Variants in DPP9 observed in about 807,000 individuals in gnomAD.
DPP9 encodes the protein dipeptidyl peptidase IV-related protein-2.
In DPP9, 50 loss-of-function variants were observed where a neutral mutation model predicts 110.7. The observed-to-expected ratio is 0.45, with a 90% CI of 0.36 to 0.57. DPP9 has a LOEUF of 0.57. Among genes scored for constraint, DPP9 ranks in the 20% least tolerant of loss-of-function variants. The probability of loss-of-function intolerance (pLI) is 0.00; values close to 1 mark genes in which losing one functional copy is unlikely to be tolerated. For synonymous variants in DPP9, 561 were observed against 514.4 expected (o/e 1.09, Z -1.23); for missense variants, 1,022 against 1,217.9 (o/e 0.84, Z 2.39).
chr19:4,683,391 G>C, intron 19 of DPP9, 86 bp downstream of exon 19: 1 of 1,573,742 alleles, frequency 6.4e-7, no homozygotes, highest in Non-Finnish European at 8.6e-7. Context: ...TGGGCTCCGG[G>C]TGGCGCGGGC....
Position 4,694,902 on chromosome 19 carries a change from G to T in DPP9, c.1354-79C>A. On this transcript the variant is annotated intron_variant, in intron 12 of 21. Coordinates refer to ENST00000262960, the MANE Select transcript of DPP9 (RefSeq NM_139159.5). This position sits in a 1 kb window ranked among gnomAD's most constrained non-coding sequence, Gnocchi z 4.0. ...GTGGCTCACACCAGTAATCCCAGTA[G>T]TTTGGGAGGCTGGGGCAGGAGACTT... 1.4e-6 allele frequency: 2 copies of T among 1,457,912 alleles called. No homozygotes were observed. The highest frequency in any genetic ancestry group is 9.4e-7 in the Non-Finnish European group (1 of 1,060,206). The allele number at this position is 1,457,912 out of a possible 1,614,324, so 90.3% of individuals were successfully genotyped here.
intron 4 of DPP9, among the ~76,000 whole-genome samples, chr19:4,706,352 A>G (rs1425790091): frequency 6.6e-6 from 1 of 151,656 alleles, no homozygotes; most frequent in Non-Finnish European, 1.5e-5. Flanking sequence ...AAAGAATAAA[A>G]TAAAAGAAAA....
In DPP9 at chr19:4,704,417, C is replaced by T. The variant is rs1044788887; in HGVS notation, c.427-113G>A. On this transcript the variant is annotated intron_variant, in intron 5 of 21. Coordinates refer to ENST00000262960, the MANE Select transcript of DPP9 (RefSeq NM_139159.5). The surrounding 1 kb of genome is among the most constrained non-coding windows in gnomAD (Gnocchi z 6.0). ...TCCCAGGGAATCTGACTTCGGGCCT[C>T]GCCAGAGAGAACTTCCTGTACTGGG... 1.2e-5 allele frequency: 16 copies of T among 1,315,970 alleles called. No homozygotes were observed. Among genetic ancestry groups the T allele is most frequent in the African/African-American group, 2.9e-5 (2 of 68,376 alleles). 81.5% of individuals were successfully genotyped at this position (1,315,970 alleles called of 1,614,324 possible).
chr19:4,712,083 A>G (rs1283207917), intron 4 of DPP9, among the ~76,000 whole-genome samples: 2 of 152,166 alleles, frequency 1.3e-5, no homozygotes, highest in African/African-American at 4.8e-5. Flanking sequence ...AGCAACCCCA[A>G]CGGGAGCAAG....
Position 4,710,947 on chromosome 19 carries a change from CCA to C in DPP9, c.313+3132_313+3133del, listed in dbSNP as rs1555719434. 1.3e-5 allele frequency among the ~76,000 whole-genome samples: 2 copies of C among 152,158 alleles called. No homozygotes were observed. Among genetic ancestry groups the C allele is most frequent in the Non-Finnish European group, 2.9e-5 (2 of 68,030 alleles). On this transcript the variant is annotated intron_variant, in intron 4 of 21. Transcript: ENST00000262960. This position sits in a 1 kb window ranked among gnomAD's most constrained non-coding sequence, Gnocchi z 5.6. ...CTGTGAGGACCTGCCTGTCCCAGCC[CCA>C]GACACACACACGAGCCACAGGCGAC...
chr19:4,676,891 AC>A lies in DPP9; in HGVS notation c.2587-236del, dbSNP rs2088906345. Among the ~76,000 whole-genome samples the A allele has an allele frequency of 6.6e-6, 1 of 152,226 alleles. No individual in the cohort carries two copies. The highest frequency in any genetic ancestry group is 1.5e-5 in the Non-Finnish European group (1 of 68,036). ...GGGAGGATTTGGTAAGACAAAGTTT[AC>A]AAAACGCCTTGCGGTGTGCACGCGC... On this transcript the variant is annotated intron_variant, in intron 21 of 21. Coordinates refer to ENST00000262960, the MANE Select transcript of DPP9 (RefSeq NM_139159.5). This position sits in a 1 kb window ranked among gnomAD's most constrained non-coding sequence, Gnocchi z 4.0.
At chr19:4,683,163 C>T in intron 19 of DPP9, 1 of 1,439,676 alleles carries the variant, frequency 6.9e-7, no homozygotes, top group South Asian at 1.3e-5. Context: ...CTGGGGCCCC[C>T]CCGCCGCTCT....
In DPP9 at chr19:4,683,670, G is replaced by C; in HGVS notation, c.2179-41C>G. ...GGGCACCTCTCAGTGGCCTCCTCCC[G>C]GTATGTCCCTCCCCTGCAGTGACAC... On this transcript the variant is annotated intron_variant, in intron 18 of 21. Coordinates refer to ENST00000262960, the MANE Select transcript of DPP9 (RefSeq NM_139159.5). The C allele has an allele frequency of 1.9e-6, 3 of 1,612,976 alleles. No individual in the cohort carries two copies. In the South Asian group the frequency reaches 3.3e-5, roughly 18 times the overall value.
At chr19:4,708,034 G>A (rs1040413477) in intron 4 of DPP9, among the ~76,000 whole-genome samples, 4 of 152,122 alleles carry the variant, frequency 2.6e-5, no homozygotes, top group Non-Finnish European at 4.4e-5. Flanking sequence ...ACAGGCAGCC[G>A]CAGGGTCCTC....
In DPP9 at chr19:4,679,857, G is replaced by T; in HGVS notation, c.2564C>A (p.Ala855Glu). 6.2e-7 allele frequency: 1 copy of T among 1,612,852 alleles called. No homozygotes were observed. Among genetic ancestry groups the T allele is most frequent in the Non-Finnish European group, 8.5e-7 (1 of 1,179,504 alleles). ...CACCTGGAGCTGGTAAGGTTTCCCT[G>T]CTCGGATCAGTTGGGAGACGAGGAA... is the stretch of plus-strand genomic sequence containing the variant. The part of the protein sequence containing the change: ...TNFLVSQLIR[A>E]GKPYQLQIYP... The change falls in exon 21 of 22, where the codon GCA (alanine) becomes GAA (glutamate). Residue 855 changes from alanine (A) to glutamate (E), a missense_variant. Ala to Glu is a moderately radical substitution (Grantham distance 107, BLOSUM62 -1). This residue lies in a region of DPP9 where 209 missense variants were observed against 280.4 expected (regional missense o/e 0.75). Coordinates refer to ENST00000262960, the MANE Select transcript of DPP9 (RefSeq NM_139159.5).
At chr19:4,717,783 C>T (rs1162100347) in intron 3 of DPP9, 1 of 152,270 alleles carries the variant, frequency 6.6e-6, no homozygotes, top group Non-Finnish European at 1.5e-5. Flanking sequence ...CTCCGCTGAC[C>T]TCTCTTCTAC....
At chr19:4,703,470 C>CA (rs11451501) in intron 7 of DPP9, among the ~76,000 whole-genome samples, 41,847 of 128,318 alleles carry the variant, frequency 0.33, 7,091 homozygotes, top group African/African-American at 0.48. Flanking sequence ...ACTAAAAATA[C>CA]AAAAAAAAAA....
chr19:4,718,026 C>T lies in DPP9; in HGVS notation c.56+1825G>A, dbSNP rs1344488967. ...CTGTGACACCACCAGCAAACAGCTC[C>T]AGACCTCCTAGCATGGTCTCTGTCA... On this transcript the variant is annotated intron_variant, in intron 3 of 21. Transcript: ENST00000262960. This position sits in a 1 kb window ranked among gnomAD's most constrained non-coding sequence, Gnocchi z 4.3. The T allele has an allele frequency of 6.6e-6, 1 of 152,296 alleles. No individual in the cohort carries two copies. The highest frequency in any genetic ancestry group is 2.4e-5 in the African/African-American group (1 of 41,462). 9.4% of individuals were successfully genotyped at this position (152,296 alleles called of 1,614,324 possible).
intron 19 of DPP9, 120 bp downstream of exon 19, chr19:4,683,357 C>G (rs757164694): frequency 6.6e-7 from 1 of 1,508,578 alleles, no homozygotes; most frequent in Non-Finnish European, 8.8e-7. Context: ...GGCAAGGCCC[C>G]TGCCGAGGCG....
In DPP9 at chr19:4,719,770, C is replaced by T. The variant is rs145099302; in HGVS notation, c.56+81G>A. The T allele has an allele frequency of 5.4e-6, 8 of 1,482,072 alleles. No individual in the cohort carries two copies. In the South Asian group the frequency reaches 6.0e-5, roughly 11 times the overall value. 91.8% of individuals were successfully genotyped at this position (1,482,072 alleles called of 1,614,324 possible). On this transcript the variant is annotated intron_variant, in intron 3 of 21. Transcript: ENST00000262960. ...AGCCAGGGGAGAGGGAAAGAAGGGG[C>T]CTTCCAGATCTTAGACTGTTGGGGA...
intron 11 of DPP9, among the ~76,000 whole-genome samples, chr19:4,696,647 G>C (rs1434291276): frequency 2.6e-5 from 4 of 151,720 alleles, no homozygotes; most frequent in African/African-American, 7.3e-5. Flanking sequence ...TACTCGGGAG[G>C]CTGAGGCAGG....
At chr19:4,683,354 C>A in intron 19 of DPP9, 123 bp downstream of exon 19, 2 of 1,502,874 alleles carry the variant, frequency 1.3e-6, no homozygotes. Flanking sequence ...CGTGGCAAGG[C>A]CCCTGCCGAG....
chr19:4,705,817 C>T (rs746915037), intron 5 of DPP9, 41 bp downstream of exon 5: 1 of 1,602,004 alleles, frequency 6.2e-7, no homozygotes, highest in Non-Finnish European at 8.5e-7. Context: ...TTTGCCACCT[C>T]CTCGCCCACG....
intron 21 of DPP9, 74 bp downstream of exon 21, chr19:4,679,761 C>A: frequency 8.3e-7 from 1 of 1,201,664 alleles, no homozygotes; most frequent in Admixed American, 2.0e-5. Context: ...GGAAGCCACC[C>A]CGCCTCGTCC....
Sources: gnomAD v4.1 joint callset for allele counts (sites outside exome capture counted in the v4.1 genomes callset) on GRCh38, gnomAD v4.1.1 for gene constraint, gnomAD v4.1.1 regional missense constraint, Gnocchi (gnomAD v3.1) non-coding constraint, MANE v1.5 for transcripts, NCBI Gene and HGNC (gene_info 2026-07-23, HGNC 2026-07-21) for gene names.